The following RBFOX3 variants were observed in gnomAD, a reference collection of about 807,000 sequenced individuals.
RBFOX3 encodes RNA binding protein fox-1 homolog 3.
RBFOX3 carries 17 observed loss-of-function variants against 48.7 expected under a neutral mutation model. The observed-to-expected ratio is 0.35, with a 90% CI of 0.24 to 0.52. The LOEUF is 0.52. RBFOX3 is among the 20% of genes least tolerant of loss of function. RBFOX3 has a pLI of 0.94. For synonymous variants in RBFOX3, 212 were observed against 209.5 expected (o/e 1.01, Z -0.10); for missense variants, 382 against 497.5 (o/e 0.77, Z 2.21).
At chr17:79,329,128 C>T (rs539345148) in intron 2 of RBFOX3, among the ~76,000 whole-genome samples, 1 of 152,284 alleles carries the variant, frequency 6.6e-6, no homozygotes, top group African/African-American at 2.4e-5. Flanking sequence ...TCCCGCAGGG[C>T]CAGGCCTCTC....
chr17:79,091,010 C>T (rs1771078534), intron 14 of RBFOX3, 125 bp from the exon 15 acceptor site: 1 of 901,350 alleles, frequency 1.1e-6, no homozygotes, highest in African/African-American at 1.7e-5. Context: ...CACCTGCCCC[C>T]CAGGTTTCCA....
intron 4 of RBFOX3, among the ~76,000 whole-genome samples, chr17:79,233,247 A>G (rs2061242975): frequency 6.6e-6 from 1 of 152,230 alleles, no homozygotes; most frequent in Admixed American, 6.5e-5. Context: ...GAAGCCAAGC[A>G]AAAAATGACC....
At chr17:79,106,591 C>T (rs1314365546) in intron 6 of RBFOX3, 60 bp downstream of exon 6, 21 of 1,397,242 alleles carry the variant, frequency 1.5e-5, no homozygotes, top group Admixed American at 3.8e-5. Flanking sequence ...GGCCTGTGGG[C>T]GCCACCCTGG....
At chr17:79,603,312 C>A (rs959484879) in intron 1 of RBFOX3, among the ~76,000 whole-genome samples, 4 of 151,998 alleles carry the variant, frequency 2.6e-5, no homozygotes, top group African/African-American at 9.7e-5. Flanking sequence ...ACTCTTGACA[C>A]CCCGCTGGCA....
intron 14 of RBFOX3, chr17:79,091,907 G>A (rs2073986111): frequency 1.1e-6 from 1 of 949,678 alleles, no homozygotes; most frequent in Non-Finnish European, 1.3e-6. Context: ...ACAGCAGTTT[G>A]CACACCACGC....
chr17:79,269,112 A>G (rs930992533), intron 3 of RBFOX3, among the ~76,000 whole-genome samples: 16 of 147,968 alleles, frequency 1.1e-4, no homozygotes, highest in African/African-American at 3.6e-4. Flanking sequence ...GGAGATGCGG[A>G]CACAAAAGAT....
At chr17:79,271,307 C>A (rs528172445) in intron 3 of RBFOX3, among the ~76,000 whole-genome samples, 3 of 152,284 alleles carry the variant, frequency 2.0e-5, no homozygotes, top group Non-Finnish European at 2.9e-5. Flanking sequence ...AATTCCTGAC[C>A]TCAGATGATC....
chr17:79,446,605 C>T (rs1199443698), intron 2 of RBFOX3, among the ~76,000 whole-genome samples: 8 of 152,330 alleles, frequency 5.3e-5, no homozygotes, highest in Middle Eastern at 6.8e-3. Flanking sequence ...GAGTGACTGC[C>T]CATTTCCACG....
At chr17:79,642,808 C>A in the RBFOX3 span, among the ~76,000 whole-genome samples, 1 of 152,152 alleles carries the variant, frequency 6.6e-6, no homozygotes, top group East Asian at 1.9e-4. Context: ...CTAGCCATAT[C>A]AATAAGTACG....
rs774856041 is a variant in RBFOX3 at position 79,103,459 on chromosome 17, T to C, written c.415-205A>G. Among the ~76,000 whole-genome samples, 3 of 151,996 alleles carry C rather than the reference T, an allele frequency of 2.0e-5. No homozygotes were observed. The highest frequency in any genetic ancestry group is 4.4e-5 in the Non-Finnish European group (3 of 67,962). On this transcript the variant is annotated intron_variant, in intron 7 of 14. Transcript: ENST00000693108. The surrounding 1 kb of genome is among the most constrained non-coding windows in gnomAD (Gnocchi z 6.1). ...CACCGGCAGGATGCCAGGAGGGGTA[T>C]GGGCCCCAGGGGGGCAGCTGCTGAC...
At chr17:79,648,757 G>C in the RBFOX3 span, among the ~76,000 whole-genome samples, 1 of 152,140 alleles carries the variant, frequency 6.6e-6, no homozygotes, top group Non-Finnish European at 1.5e-5. Context: ...CGCCATCAAG[G>C]TTTCCCAGCC....
intron 2 of RBFOX3, among the ~76,000 whole-genome samples, chr17:79,345,894 AT>A (rs1006166968): frequency 6.6e-6 from 1 of 151,824 alleles, no homozygotes; most frequent in African/African-American, 2.4e-5. Flanking sequence ...TGTTTAAGAC[AT>A]TTTCCTCTAT....
intron 3 of RBFOX3, among the ~76,000 whole-genome samples, chr17:79,275,475 T>C (rs1014619649): frequency 1.3e-5 from 2 of 151,986 alleles, no homozygotes; most frequent in Admixed American, 1.3e-4. Flanking sequence ...TCCAAGACGG[T>C]AGGCTTCATG....
chr17:79,637,739 AGGGG>A, the RBFOX3 span, among the ~76,000 whole-genome samples: 1 of 90,626 alleles, frequency 1.1e-5, no homozygotes, highest in African/African-American at 4.6e-5. Flanking sequence ...AAGGGAGGGG[AGGGG>A]AGGGGAGAGG....
chr17:79,518,755 G>A (rs1025076361), intron 1 of RBFOX3, among the ~76,000 whole-genome samples: 4 of 152,258 alleles, frequency 2.6e-5, no homozygotes, highest in Non-Finnish European at 5.9e-5. Flanking sequence ...TGCAGAGTAG[G>A]GGTCAAATGA....
At chr17:79,440,673 A>G (rs1015360664) in intron 2 of RBFOX3, among the ~76,000 whole-genome samples, 3 of 152,126 alleles carry the variant, frequency 2.0e-5, no homozygotes, top group Non-Finnish European at 4.4e-5. Context: ...CAACTGTGAG[A>G]AAGCCTCACC....
At chr17:79,527,643 C>G (rs2086978835) in intron 1 of RBFOX3, among the ~76,000 whole-genome samples, 1 of 152,256 alleles carries the variant, frequency 6.6e-6, no homozygotes, top group Non-Finnish European at 1.5e-5. Flanking sequence ...GAAAATGGCT[C>G]CTTATGCAAA....
chr17:79,451,117 C>T (rs2073412019), intron 2 of RBFOX3, among the ~76,000 whole-genome samples: 1 of 152,102 alleles, frequency 6.6e-6, no homozygotes, highest in Non-Finnish European at 1.5e-5. Flanking sequence ...TCTCGCCTGC[C>T]TTGCTTCACT....
At chr17:79,377,794 C>T (rs936107769) in intron 2 of RBFOX3, among the ~76,000 whole-genome samples, 1 of 152,116 alleles carries the variant, frequency 6.6e-6, no homozygotes, top group African/African-American at 2.4e-5. Flanking sequence ...CCTGGTGACC[C>T]GAGGTCGCTG....
Sources: allele counts gnomAD v4.1 joint callset (sites outside exome capture counted in the v4.1 genomes callset), GRCh38; gene constraint gnomAD v4.1.1; non-coding constraint Gnocchi (gnomAD v3.1); transcripts MANE v1.5; gene names NCBI Gene and HGNC (gene_info 2026-07-23, HGNC 2026-07-21).